ENOX1: variants seen among roughly 807,000 people sequenced by gnomAD.
ENOX1 encodes ecto-NOX disulfide-thiol exchanger 1.
A neutral mutation model predicts 82.5 loss-of-function variants in ENOX1; 42 were observed. That is an observed-to-expected ratio of 0.51 (90% CI 0.40 to 0.66). ENOX1 has a LOEUF of 0.66. ENOX1 is among the 30% of genes least tolerant of loss of function. The pLI is 0.00. For missense variants in ENOX1, 608 were observed against 811.6 expected, an observed-to-expected ratio of 0.75 and a Z score of 3.05; for synonymous variants, 271 against 282.2, an observed-to-expected ratio of 0.96 and a Z score of 0.40.
intron 2 of ENOX1, among the ~76,000 whole-genome samples, chr13:43,494,692 G>C (rs1202978894): frequency 6.6e-6 from 1 of 152,150 alleles, no homozygotes; most frequent in African/African-American, 2.4e-5. Flanking sequence ...GTGAAATTGA[G>C]AATAACAAAT....
intron 5 of ENOX1, among the ~76,000 whole-genome samples, chr13:43,378,002 A>G (rs940671970): frequency 6.6e-6 from 1 of 152,186 alleles, no homozygotes; most frequent in Non-Finnish European, 1.5e-5. Context: ...ATTGTTGCCC[A>G]TCTCAAAATG....
chr13:43,389,947 A>C (rs1229171581), intron 5 of ENOX1, among the ~76,000 whole-genome samples: 1 of 152,180 alleles, frequency 6.6e-6, no homozygotes, highest in African/African-American at 2.4e-5. Flanking sequence ...AGAACAAAAA[A>C]AATTTTTTGG....
chr13:43,626,173 G>T (rs1207291644), intron 2 of ENOX1, among the ~76,000 whole-genome samples: 2 of 151,664 alleles, frequency 1.3e-5, no homozygotes, highest in Non-Finnish European at 3.0e-5. Flanking sequence ...TGTCTGCAGG[G>T]TCTTCAGTGA....
At chr13:43,305,390 A>G (rs2046801731) in intron 11 of ENOX1, among the ~76,000 whole-genome samples, 1 of 152,214 alleles carries the variant, frequency 6.6e-6, no homozygotes, top group South Asian at 2.1e-4. Context: ...GAATCTGCAC[A>G]TTAGCTATTA....
intron 1 of ENOX1, among the ~76,000 whole-genome samples, chr13:43,681,686 AACACACACACACACACACACACAC>A (rs3044219): frequency 2.2e-4 from 30 of 135,344 alleles, no homozygotes; most frequent in African/African-American, 7.9e-4. Flanking sequence ...ATAATGCATA[AACACACACACACACACACACACAC>A]ACACACACAC....
At chr13:43,675,298 A>T (rs2085456625) in intron 1 of ENOX1, among the ~76,000 whole-genome samples, 1 of 152,178 alleles carries the variant, frequency 6.6e-6, no homozygotes. Context: ...AAGAAGAAAG[A>T]GGAATCAAAG....
At chr13:43,607,975 T>C (rs1032293725) in intron 2 of ENOX1, among the ~76,000 whole-genome samples, 1 of 152,150 alleles carries the variant, frequency 6.6e-6, no homozygotes, top group African/African-American at 2.4e-5. Flanking sequence ...AAGCACCAAG[T>C]CACTGAGCAG....
intron 16 of ENOX1, among the ~76,000 whole-genome samples, chr13:43,222,591 C>G (rs1387847077): frequency 2.0e-5 from 3 of 152,190 alleles, no homozygotes; most frequent in African/African-American, 4.8e-5. Context: ...AAAGGGAGAA[C>G]AGAAATGTCA....
chr13:43,368,530 A>T (rs971733560), intron 5 of ENOX1, among the ~76,000 whole-genome samples: 1 of 152,204 alleles, frequency 6.6e-6, no homozygotes, highest in Non-Finnish European at 1.5e-5. Flanking sequence ...AGCGCTCATC[A>T]CAGGTTCTGT....
intron 1 of ENOX1, among the ~76,000 whole-genome samples, chr13:43,742,899 C>T (rs1312347922): frequency 1.8e-5 from 1 of 54,138 alleles, no homozygotes; most frequent in Admixed American, 2.1e-4. Context: ...ATCGCTCAAA[C>T]TACCGTGTGT....
chr13:43,239,459 G>A (rs930924632), intron 14 of ENOX1, among the ~76,000 whole-genome samples: 3 of 152,194 alleles, frequency 2.0e-5, no homozygotes, highest in African/African-American at 7.2e-5. Flanking sequence ...AGGCTCCAAG[G>A]AATGCTTGCT....
chr13:43,531,354 C>A (rs951649014), intron 2 of ENOX1, among the ~76,000 whole-genome samples: 1 of 151,838 alleles, frequency 6.6e-6, no homozygotes, highest in Non-Finnish European at 1.5e-5. Flanking sequence ...CAGAGAAATG[C>A]AAATCAAAAC....
At chr13:43,487,146 T>G (rs1332214494) in intron 2 of ENOX1, among the ~76,000 whole-genome samples, 1 of 150,436 alleles carries the variant, frequency 6.6e-6, no homozygotes, top group African/African-American at 2.5e-5. Flanking sequence ...CACTCCAGCC[T>G]GGGTGACAAA....
chr13:43,402,626 A>G (rs909668684), intron 5 of ENOX1, among the ~76,000 whole-genome samples: 1 of 152,224 alleles, frequency 6.6e-6, no homozygotes, highest in Non-Finnish European at 1.5e-5. Context: ...ACTAGAAGGC[A>G]GGCTGCAGAA....
chr13:43,239,780 C>G (rs2153460983), intron 14 of ENOX1, among the ~76,000 whole-genome samples: 1 of 152,316 alleles, frequency 6.6e-6, no homozygotes, highest in South Asian at 2.1e-4. Context: ...GGATAGAAGA[C>G]AGGATAGTGA....
intron 2 of ENOX1, among the ~76,000 whole-genome samples, chr13:43,557,236 T>C (rs755878855): frequency 6.6e-6 from 1 of 152,182 alleles, no homozygotes; most frequent in Non-Finnish European, 1.5e-5. Context: ...GAGTCAAAAC[T>C]GTACAGAAAG....
At chr13:43,376,815 A>G (rs1350595148) in intron 5 of ENOX1, among the ~76,000 whole-genome samples, 1 of 152,142 alleles carries the variant, frequency 6.6e-6, no homozygotes, top group Non-Finnish European at 1.5e-5. Flanking sequence ...AAGCAGAGAG[A>G]TATGAGTTGG....
intron 11 of ENOX1, among the ~76,000 whole-genome samples, chr13:43,311,028 T>C (rs763574297): frequency 2.0e-5 from 3 of 151,866 alleles, no homozygotes; most frequent in Admixed American, 6.6e-5. Flanking sequence ...TGATATATAA[T>C]GATGGAAGCA....
At chr13:43,267,136 C>G (rs542467157) in intron 13 of ENOX1, among the ~76,000 whole-genome samples, 32 of 152,298 alleles carry the variant, frequency 2.1e-4, no homozygotes, top group South Asian at 4.1e-4. Context: ...CACCCCTCTC[C>G]TTCCTCGAGC....
Sources: allele counts gnomAD v4.1 joint callset (sites outside exome capture counted in the v4.1 genomes callset), GRCh38; gene constraint gnomAD v4.1.1; transcripts MANE v1.5; gene names NCBI Gene and HGNC (gene_info 2026-07-23, HGNC 2026-07-21).